The following COL5A3 variants were observed in gnomAD, a reference collection of about 807,000 sequenced individuals.
The protein encoded by COL5A3 is collagen type V alpha 3 chain, also known as collagen alpha-3(V) chain.
COL5A3 carries 172 observed loss-of-function variants against 250.0 expected under a neutral mutation model. That is an observed-to-expected ratio of 0.69 (90% CI 0.61 to 0.78). The LOEUF is 0.78. COL5A3 is among the 30% of genes least tolerant of loss of function. The pLI, the probability that COL5A3 is intolerant of heterozygous loss-of-function variation, is 0.00. For synonymous variants in COL5A3, 937 were observed against 900.4 expected, an observed-to-expected ratio of 1.04 and a Z score of -0.73; for missense variants, 2,340 against 2,334.4, an observed-to-expected ratio of 1.00 and a Z score of -0.05.
At chr19:10,005,528 C>T (rs1421569280) in intron 4 of COL5A3, 30 bp downstream of exon 4, 1 of 1,609,722 alleles carries the variant, frequency 6.2e-7, no homozygotes, top group Admixed American at 1.7e-5. Flanking sequence ...CCACCCTCTG[C>T]CTCAGTTTCC....
intron 42 of COL5A3, 21 bp downstream of exon 42, chr19:9,977,573 T>C (rs376402260): frequency 3.8e-5 from 59 of 1,552,458 alleles, no homozygotes; most frequent in Non-Finnish European, 4.8e-5. Context: ...GCCCTAGGAA[T>C]GGGATGGGCA....
chr19:9,993,771 T>C lies in COL5A3; in HGVS notation c.1623A>G (p.Pro541=), dbSNP rs1427990664. The C allele has an allele frequency of 6.2e-7, 1 of 1,614,152 alleles. No homozygotes were observed. Among genetic ancestry groups the C allele is most frequent in the South Asian group, 1.1e-5 (1 of 91,080 alleles). The stretch of plus-strand genomic sequence containing the variant: ...CACCTACCTTAGGTCCAGTGTCCCC[T>C]GGGAGGCCCCGAGCTCCATCTGCTC... The part of the protein sequence containing the change: ...RPGADGARGL[P]GDTGPKGDRG... The change falls in exon 17 of 67, where the codon CCA becomes CCG. Residue 541 remains proline, a synonymous_variant. Transcript: ENST00000264828.
Position 10,003,547 on chromosome 19 carries a change from A to G in COL5A3, c.849+18T>C, listed in dbSNP as rs2087393301. The stretch of plus-strand genomic sequence containing the variant: ...TCAGGTGGTCAAAACCGGAAGTGAG[A>G]GGTCTCAGGGCCCTTACCTGGTTCT... On this transcript the variant is annotated intron_variant, in intron 6 of 66. Coordinates refer to ENST00000264828, the MANE Select transcript of COL5A3 (RefSeq NM_015719.4). The G allele has an allele frequency of 1.2e-6, 2 of 1,612,506 alleles. No homozygotes were observed. Among genetic ancestry groups the G allele is most frequent in the Non-Finnish European group, 1.7e-6 (2 of 1,179,022 alleles).
In COL5A3 at chr19:9,960,712, T is replaced by A. The variant is rs1402500739; in HGVS notation, c.5030A>T (p.Glu1677Val). The A allele has an allele frequency of 1.9e-6, 3 of 1,613,934 alleles. No individual in the cohort carries two copies. The Admixed American group carries it at 5.0e-5, about 27-fold the overall frequency. The change falls in exon 66 of 67, where the codon GAG becomes GTG. Residue 1677 changes from glutamate to valine, a missense_variant. Transcript: ENST00000264828. The stretch of plus-strand genomic sequence containing the variant: ...TGTCGTCTGGTTGAAAGACAGCTCC[T>A]CTCCATTGGTGCCAAGGAAGCGGGC... ...HSARFLGTNG[E>V]ELSFNQTTAA...
rs772058565 is a variant in COL5A3 at position 9,968,641 on chromosome 19, G to T, written c.4206+34C>A. ...AGGGAGGGAGGGAAAGAGGGGAGGAGATGGGGAAGAGAATAATGGAATGAT... is the reference window on the plus strand; with the variant it reads ...AGGGAGGGAGGGAAAGAGGGGAGGATATGGGGAAGAGAATAATGGAATGAT... On this transcript the variant is annotated intron_variant, in intron 58 of 66. Coordinates refer to ENST00000264828, the MANE Select transcript of COL5A3 (RefSeq NM_015719.4). This position sits in a 1 kb window ranked among gnomAD's most constrained non-coding sequence, Gnocchi z 4.1. The T allele has an allele frequency of 2.5e-6, 4 of 1,605,702 alleles. No individual in the cohort carries two copies. Among genetic ancestry groups the T allele is most frequent in the Middle Eastern group, 1.7e-4 (1 of 6,038 alleles).
intron 8 of COL5A3, 97 bp downstream of exon 8, chr19:10,001,427 G>A (rs967764980): frequency 1.8e-5 from 23 of 1,255,076 alleles, no homozygotes; most frequent in East Asian, 5.1e-5. Flanking sequence ...GATTACAGGC[G>A]GGAGCCACTG....
intron 45 of COL5A3, among the ~76,000 whole-genome samples, chr19:9,976,299 G>A (rs1354368923): frequency 6.6e-6 from 1 of 151,830 alleles, no homozygotes; most frequent in African/African-American, 2.4e-5. Flanking sequence ...TTTGTACTGA[G>A]GGGAAGACAT....
chr19:9,968,673 A>G lies in COL5A3; in HGVS notation c.4206+2T>C. The G allele has an allele frequency of 6.2e-7, 1 of 1,607,102 alleles. No homozygotes were observed. The highest frequency in any genetic ancestry group is 8.5e-7 in the Non-Finnish European group (1 of 1,177,328). ...AAGAGAATAATGGAATGATGTCCTT[A>G]CCTTTTCCCCCTTGGGGCCAGTGTC... is the stretch of plus-strand genomic sequence containing the variant. On this transcript the variant is annotated splice_donor_variant, in intron 58 of 66. Coordinates refer to ENST00000264828, the MANE Select transcript of COL5A3 (RefSeq NM_015719.4). LOFTEE classifies it high-confidence loss of function. This position sits in a 1 kb window ranked among gnomAD's most constrained non-coding sequence, Gnocchi z 4.1.
chr19:9,974,300 C>T lies in COL5A3; in HGVS notation c.3450+1G>A. On this transcript the variant is annotated splice_donor_variant, in intron 46 of 66. Transcript: ENST00000264828. LOFTEE classifies it high-confidence loss of function. The stretch of plus-strand genomic sequence containing the variant: ...TGCCACCCCCAAACCCAGACACCCA[C>T]CTGCAGTCCAGGAGGGCCAATCACC... The T allele has an allele frequency of 1.6e-5, 25 of 1,610,602 alleles. No homozygotes were observed. The highest frequency in any genetic ancestry group is 2.0e-5 in the Non-Finnish European group (23 of 1,178,226).
chr19:10,000,812 G>GAA (rs2145136780), intron 8 of COL5A3, among the ~76,000 whole-genome samples: 1 of 152,206 alleles, frequency 6.6e-6, no homozygotes, highest in African/African-American at 2.4e-5. Context: ...CAAGATGTGA[G>GAA]AAAAGTAAGT....
intron 64 of COL5A3, among the ~76,000 whole-genome samples, chr19:9,963,713 T>C (rs982245823): frequency 2.0e-5 from 3 of 152,042 alleles, no homozygotes; most frequent in African/African-American, 7.2e-5. Flanking sequence ...CCTCTCCCTT[T>C]AGGCTAAGCA....
chr19:9,994,991 T>C (rs562317654), intron 16 of COL5A3, among the ~76,000 whole-genome samples: 1 of 152,230 alleles, frequency 6.6e-6, no homozygotes, highest in Admixed American at 6.5e-5. Flanking sequence ...CACTGCAACC[T>C]CTGCTTCCTG....
chr19:9,972,642 C>T (rs1211245947), intron 51 of COL5A3, among the ~76,000 whole-genome samples: 5 of 152,038 alleles, frequency 3.3e-5, no homozygotes, highest in Admixed American at 3.3e-4. Context: ...TCGAGACCAT[C>T]CTGGCCAACA....
Position 9,993,757 on chromosome 19 carries a change from G to A in COL5A3, c.1637C>T (p.Pro546Leu), listed in dbSNP as rs1599219626. 2 of 1,614,104 alleles carry A rather than the reference G, an allele frequency of 1.2e-6. No individual in the cohort carries two copies. Among genetic ancestry groups the A allele is most frequent in the Non-Finnish European group, 1.7e-6 (2 of 1,179,998 alleles). Reference sequence around the variant, plus strand: ...ATCTCAGCCCCCATCACCTACCTTAGGTCCAGTGTCCCCTGGGAGGCCCCG... The same window carrying A: ...ATCTCAGCCCCCATCACCTACCTTAAGTCCAGTGTCCCCTGGGAGGCCCCG... ...GARGLPGDTG[P>L]KGDRGFDGLP... is the part of the protein sequence containing the mutation. The change falls in exon 17 of 67, where the codon CCT becomes CTT. Residue 546 changes from proline (P) to leucine (L), a missense_variant. Around this residue, in one of 3 missense-constraint regions of COL5A3, gnomAD observed 1,152 missense variants for 1,146.3 expected, o/e 1.00. Coordinates refer to ENST00000264828, the MANE Select transcript of COL5A3 (RefSeq NM_015719.4).
chr19:9,996,452 G>T lies in COL5A3; in HGVS notation c.1403C>A (p.Ala468Glu), dbSNP rs757796465. Residue 468 changes from alanine to glutamate, a missense_variant, in exon 13 of 67, where the codon GCA becomes GAA. Transcript: ENST00000264828. ...ACTCACCTGAGTCTGCTGCAGAACT[G>T]CCTGAGCCTGGGCCTGCTGGAATGA... ...PVSFQQAQAQ[A>E]VLQQTQLSMK... 6.2e-7 allele frequency: 1 copy of T among 1,614,020 alleles called. No individual in the cohort carries two copies. The highest frequency in any genetic ancestry group is 8.5e-7 in the Non-Finnish European group (1 of 1,179,988).
chr19:9,991,274 G>A (rs999586215), intron 24 of COL5A3, among the ~76,000 whole-genome samples: 2 of 152,138 alleles, frequency 1.3e-5, no homozygotes, highest in South Asian at 4.1e-4. Flanking sequence ...GCAGAAAGAA[G>A]TGTGTCTGCC....
chr19:9,991,914 G>A (rs545304125), intron 22 of COL5A3, 73 bp from the exon 23 acceptor site: 331 of 1,575,134 alleles, frequency 2.1e-4, no homozygotes, highest in Middle Eastern at 2.0e-3. Flanking sequence ...ATTGACTTGG[G>A]GGGGGTCAGT....
At chr19:9,969,723 G>C (rs1256484281) in intron 55 of COL5A3, 41 bp from the exon 56 acceptor site, 1 of 1,583,964 alleles carries the variant, frequency 6.3e-7, no homozygotes, top group Non-Finnish European at 8.6e-7. Flanking sequence ...GAGTCAGAGG[G>C]TTCCTGCCTC....
Position 9,977,617 on chromosome 19 carries a change from G to T in COL5A3, c.3103C>A (p.Pro1035Thr), listed in dbSNP as rs2145087106. ...GQSGSEGPVG[P>T]AGKKGSRGER... ...ACCCGGGACCCCTTCTTGCCTGCAGGGCCAACGGGGCCTTCGCTGCCACTT... is the reference window on the plus strand; with the variant it reads ...ACCCGGGACCCCTTCTTGCCTGCAGTGCCAACGGGGCCTTCGCTGCCACTT... Residue 1035 changes from proline (P) to threonine (T), a missense_variant, in exon 42 of 67, where the codon CCT becomes ACT. Around this residue, in one of 3 missense-constraint regions of COL5A3, gnomAD observed 1,179 missense variants for 1,162.6 expected, o/e 1.01. Coordinates refer to ENST00000264828, the MANE Select transcript of COL5A3 (RefSeq NM_015719.4). 1.9e-6 allele frequency: 3 copies of T among 1,602,294 alleles called. No homozygotes were observed. The highest frequency in any genetic ancestry group is 2.6e-6 in the Non-Finnish European group (3 of 1,174,022).
Sources: gnomAD v4.1 joint callset for allele counts (sites outside exome capture counted in the v4.1 genomes callset) on GRCh38, gnomAD v4.1.1 for gene constraint, gnomAD v4.1.1 regional missense constraint, Gnocchi (gnomAD v3.1) non-coding constraint, MANE v1.5 for transcripts, NCBI Gene and HGNC (gene_info 2026-07-23, HGNC 2026-07-21) for gene names.